RARB: variants seen among roughly 807,000 people sequenced by gnomAD.
The protein encoded by RARB is retinoic acid receptor beta, also known as HBV-activated protein.
RARB carries 17 observed loss-of-function variants against 51.9 expected under a neutral mutation model. The ratio of observed to expected loss-of-function variants is 0.33; its 90% CI spans 0.22 to 0.49. The LOEUF is 0.49. Ranked by LOEUF, RARB falls within the 20% of genes least tolerant of loss-of-function variation. The pLI is 0.99. For missense variants in RARB, 369 were observed against 550.8 expected, an observed-to-expected ratio of 0.67 and a Z score of 3.30; for synonymous variants, 215 against 195.4, an observed-to-expected ratio of 1.10 and a Z score of -0.84.
chr3:25,145,452 C>T (rs1700171376), intron 4 of RARB, among the ~76,000 whole-genome samples: 1 of 151,990 alleles, frequency 6.6e-6, no homozygotes, highest in Admixed American at 6.6e-5. Context: ...TTGAGTGATT[C>T]TTAGAGCTTC....
At chr3:25,012,450 A>G (rs1374864786) in intron 2 of RARB, among the ~76,000 whole-genome samples, 1 of 152,138 alleles carries the variant, frequency 6.6e-6, no homozygotes, top group Non-Finnish European at 1.5e-5. Context: ...CCAGATCATC[A>G]GCCAGGTTCA....
At chr3:25,220,897 A>C (rs1701933903) in intron 5 of RARB, among the ~76,000 whole-genome samples, 1 of 152,174 alleles carries the variant, frequency 6.6e-6, no homozygotes, top group Non-Finnish European at 1.5e-5. Flanking sequence ...TTGGCTATCT[A>C]ATGGGGTCAC....
chr3:25,244,538 CTTAT>C lies in RARB; in HGVS notation c.178+69970_178+69973del, dbSNP rs1426394871. Among the ~76,000 whole-genome samples, 11 of 152,162 alleles carry C rather than the reference CTTAT, an allele frequency of 7.2e-5. 1 individual carries two copies. Among genetic ancestry groups the C allele is most frequent in the African/African-American group, 2.6e-4 (11 of 41,540 alleles). ...CTTTGTTCTCATTGGTTTCAAAGAA[CTTAT>C]TTATTTCTGCCTTCATTTTGTTGTT... is the stretch of plus-strand genomic sequence containing the variant. On this transcript the variant is annotated intron_variant, in intron 5 of 11. Coordinates refer to the RARB transcript ENST00000383772.
At chr3:25,257,245 G>A (rs1476563961) in intron 5 of RARB, among the ~76,000 whole-genome samples, 2 of 152,138 alleles carry the variant, frequency 1.3e-5, no homozygotes, top group African/African-American at 2.4e-5. Context: ...CACACTTGGA[G>A]GAGTGTGCTC....
At chr3:25,408,734 T>TA (rs545613852) in intron 5 of RARB, among the ~76,000 whole-genome samples, 2 of 151,942 alleles carry the variant, frequency 1.3e-5, no homozygotes, top group African/African-American at 2.4e-5. Context: ...CCATGGCACT[T>TA]AAAAAAATAA....
chr3:25,417,618 C>G (rs564988991), intron 5 of RARB, among the ~76,000 whole-genome samples: 1 of 152,180 alleles, frequency 6.6e-6, no homozygotes, highest in Non-Finnish European at 1.5e-5. Context: ...GCCTCCCCAG[C>G]CTCATGGAAC....
chr3:24,945,147 G>T lies in RARB; in HGVS notation c.-380+86395G>T, dbSNP rs571884298. ...AAATTTAGTTTTTTATAGTCTTATG[G>T]GTTTGCTTTTCTTTGTAAACTTCTT... On this transcript the variant is annotated intron_variant, in intron 2 of 11. Transcript: ENST00000383772. 5.5e-4 allele frequency among the ~76,000 whole-genome samples: 83 copies of T among 152,220 alleles called. 1 individual carries two copies. Among genetic ancestry groups the T allele is most frequent in the Non-Finnish European group, 8.4e-4 (57 of 68,010 alleles).
chr3:24,957,788 G>T (rs565397565), intron 2 of RARB, among the ~76,000 whole-genome samples: 1 of 152,268 alleles, frequency 6.6e-6, no homozygotes, highest in East Asian at 1.9e-4. Context: ...TGCAGGCAGA[G>T]TTAGATCCCG....
chr3:25,505,831 A>G (rs1366332467), intron 3 of RARB, among the ~76,000 whole-genome samples: 4 of 151,470 alleles, frequency 2.6e-5, no homozygotes, highest in Non-Finnish European at 5.9e-5. Context: ...CATGTGGCAA[A>G]GCCCTGAAAT....
chr3:25,336,192 A>G (rs1359221005), intron 5 of RARB, among the ~76,000 whole-genome samples: 1 of 152,216 alleles, frequency 6.6e-6, no homozygotes, highest in African/African-American at 2.4e-5. Context: ...GAAGAATATA[A>G]ACCAAAATGC....
chr3:25,109,614 C>T (rs1203276751), intron 3 of RARB, among the ~76,000 whole-genome samples: 1 of 152,100 alleles, frequency 6.6e-6, no homozygotes, highest in African/African-American at 2.4e-5. Context: ...TTGCTGACCC[C>T]AAAACTCTGC....
At chr3:25,372,114 A>G (rs969014168) in intron 5 of RARB, among the ~76,000 whole-genome samples, 1 of 152,238 alleles carries the variant, frequency 6.6e-6, no homozygotes, top group African/African-American at 2.4e-5. Context: ...AGGCCAGGAT[A>G]AAAAGTTTGG....
intron 5 of RARB, among the ~76,000 whole-genome samples, chr3:25,332,111 T>C (rs1429450014): frequency 6.6e-6 from 1 of 152,184 alleles, no homozygotes; most frequent in African/African-American, 2.4e-5. Flanking sequence ...GACGAGCTGG[T>C]ACCATTCGTT....
At chr3:24,864,424 C>T (rs1426328999) in intron 2 of RARB, among the ~76,000 whole-genome samples, 1 of 152,158 alleles carries the variant, frequency 6.6e-6, no homozygotes, top group African/African-American at 2.4e-5. Flanking sequence ...GCTTAGGCTC[C>T]ATGTGTTGCT....
At chr3:25,112,653 C>T (rs535826442) in intron 3 of RARB, among the ~76,000 whole-genome samples, 234 of 152,178 alleles carry the variant, frequency 1.5e-3, no homozygotes, top group African/African-American at 5.5e-3. Context: ...TGCTACACAC[C>T]TGTGGTCCCA....
intron 4 of RARB, among the ~76,000 whole-genome samples, chr3:25,151,008 G>A (rs1486089028): frequency 6.6e-6 from 1 of 152,190 alleles, no homozygotes; most frequent in Non-Finnish European, 1.5e-5. Context: ...ATTTATAGAA[G>A]TGGGCAGTTG....
chr3:25,503,376 A>G (rs902767547), intron 3 of RARB, among the ~76,000 whole-genome samples: 1 of 152,252 alleles, frequency 6.6e-6, no homozygotes, highest in Non-Finnish European at 1.5e-5. Context: ...GGCTGAAATT[A>G]TAAATGAGTA....
At chr3:25,452,598 G>C (rs9880128) in intron 1 of RARB, among the ~76,000 whole-genome samples, 109,335 of 152,034 alleles carry the variant, frequency 0.72, 40,009 homozygotes, top group African/African-American at 0.85. Context: ...CCTGACCAGA[G>C]CAAACCCTGT....
intron 1 of RARB, chr3:25,441,387 C>G (rs1253778445): frequency 4.1e-6 from 1 of 244,316 alleles, no homozygotes; most frequent in Non-Finnish European, 8.6e-6. Flanking sequence ...CCTAATTTCA[C>G]GGAGTACCCC....
Sources: allele counts gnomAD v4.1 joint callset (sites outside exome capture counted in the v4.1 genomes callset), GRCh38; gene constraint gnomAD v4.1.1; transcripts MANE v1.5; gene names NCBI Gene and HGNC (gene_info 2026-07-23, HGNC 2026-07-21).